The following ARHGEF28 variants were observed in gnomAD, a reference collection of about 807,000 sequenced individuals.
The protein encoded by ARHGEF28 is Rho guanine nucleotide exchange factor 28, also known as 190 kDa guanine nucleotide exchange factor.
ARHGEF28 carries 152 observed loss-of-function variants against 206.6 expected under a neutral mutation model. The observed-to-expected ratio is 0.74, with a 90% confidence interval of 0.64 to 0.84. The LOEUF (loss-of-function observed/expected upper bound fraction) is 0.84. ARHGEF28 is among the 40% of genes least tolerant of loss of function. The pLI is 0.00. For missense variants in ARHGEF28, 2,028 were observed against 2,073.2 expected (o/e 0.98, Z 0.42); for synonymous variants, 763 against 776.4 (o/e 0.98, Z 0.29).
At chr5:73,875,851 T>C (rs1402710454) in intron 22 of ARHGEF28, among the ~76,000 whole-genome samples, 3 of 152,178 alleles carry the variant, frequency 2.0e-5, no homozygotes, top group African/African-American at 7.2e-5. Context: ...AGTCAGGTAG[T>C]GTGATGCCTC....
intron 21 of ARHGEF28, among the ~76,000 whole-genome samples, chr5:73,870,723 G>A (rs1174729418): frequency 6.6e-6 from 1 of 152,182 alleles, no homozygotes; most frequent in East Asian, 1.9e-4. Flanking sequence ...CTGCCATCCT[G>A]AGTACAGAAT....
intron 24 of ARHGEF28, 96 bp downstream of exon 24, chr5:73,883,980 A>C (rs1421294606): frequency 6.6e-6 from 4 of 603,704 alleles, no homozygotes; most frequent in Non-Finnish European, 1.0e-5. Flanking sequence ...GTGGTCTCTG[A>C]TTCATAAAGA....
Position 73,940,857 on chromosome 5 carries a change from C to G in ARHGEF28, c.4962C>G (p.Ser1654=). 1 of 1,517,514 alleles carries G rather than the reference C, an allele frequency of 6.6e-7. No homozygotes were observed. Among genetic ancestry groups the G allele is most frequent in the Non-Finnish European group, 8.8e-7 (1 of 1,140,492 alleles). The allele number at this position is 1,517,514 out of a possible 1,614,324, so 94.0% of individuals were successfully genotyped here. A position where few individuals can be genotyped will look rare whatever the true frequency, so the allele number is the denominator to read the frequency against. Residue 1654 remains serine (S), a synonymous_variant, in exon 36 of 36, where the codon TCC becomes TCG. Transcript: ENST00000513042. ...KDSCKNDLDT[S]HTESPTPHDS... ...TGTTTCTTGCAGATTTGGACACCTCCCACACTGAGTCCCCAACCCCCCATG... is the reference window on the plus strand; with the variant it reads ...TGTTTCTTGCAGATTTGGACACCTCGCACACTGAGTCCCCAACCCCCCATG...
At chr5:73,869,169 A>G (rs924009937) in intron 20 of ARHGEF28, among the ~76,000 whole-genome samples, 3 of 121,606 alleles carry the variant, frequency 2.5e-5, no homozygotes, top group African/African-American at 9.5e-5. Context: ...CTCTCTAATG[A>G]GTGCCATTTG....
At chr5:73,821,301 A>C (rs1756570427) in intron 9 of ARHGEF28, among the ~76,000 whole-genome samples, 1 of 152,178 alleles carries the variant, frequency 6.6e-6, no homozygotes, top group African/African-American at 2.4e-5. Context: ...TCTATTGAGG[A>C]CACATAAAAA....
chr5:73,744,491 A>G (rs1229426924), intron 2 of ARHGEF28, among the ~76,000 whole-genome samples: 2 of 152,062 alleles, frequency 1.3e-5, no homozygotes, highest in African/African-American at 4.8e-5. Flanking sequence ...TAACTTTTCA[A>G]GGATCTTACA....
At chr5:73,776,431 G>C in intron 5 of ARHGEF28, 85 bp from the exon 6 acceptor site, 1 of 1,271,648 alleles carries the variant, frequency 7.9e-7, no homozygotes, top group Non-Finnish European at 1.1e-6. Flanking sequence ...GGATTTGTAA[G>C]ATCAGGGGCA....
intron 22 of ARHGEF28, among the ~76,000 whole-genome samples, chr5:73,880,971 TTAAG>T (rs1452123049): frequency 2.7e-4 from 41 of 151,944 alleles, no homozygotes; most frequent in Admixed American, 2.7e-3. Context: ...TGTTTTACAT[TTAAG>T]TGTGTGTTGT....
At chr5:73,914,074 A>G (rs1033064508) in intron 35 of ARHGEF28, among the ~76,000 whole-genome samples, 3 of 152,140 alleles carry the variant, frequency 2.0e-5, no homozygotes, top group African/African-American at 7.2e-5. Context: ...TGGTTTTTTC[A>G]GTACAGCCTC....
intron 3 of ARHGEF28, among the ~76,000 whole-genome samples, chr5:73,750,240 A>G (rs1350090452): frequency 2.0e-5 from 3 of 152,244 alleles, no homozygotes; most frequent in Non-Finnish European, 2.9e-5. Flanking sequence ...CCCAACTTTT[A>G]TGGTTGGGTG....
chr5:73,907,497 G>T (rs1448937220), intron 33 of ARHGEF28, among the ~76,000 whole-genome samples: 1 of 152,194 alleles, frequency 6.6e-6, no homozygotes, highest in Non-Finnish European at 1.5e-5. Context: ...CTTTTTTGAA[G>T]CTGAATGTCT....
chr5:73,802,506 C>T (rs546945365), intron 9 of ARHGEF28, among the ~76,000 whole-genome samples: 1 of 152,206 alleles, frequency 6.6e-6, no homozygotes, highest in Admixed American at 6.5e-5. Flanking sequence ...TTTTCCTTCT[C>T]CAAAATAAGA....
chr5:73,766,456 A>G (rs1168282037), intron 4 of ARHGEF28, among the ~76,000 whole-genome samples: 1 of 152,202 alleles, frequency 6.6e-6, no homozygotes, highest in Admixed American at 6.5e-5. Flanking sequence ...CTTTGGTAAA[A>G]TCTTATACCT....
chr5:73,658,479 A>G (rs1168401209), intron 1 of ARHGEF28, among the ~76,000 whole-genome samples: 1 of 152,226 alleles, frequency 6.6e-6, no homozygotes, highest in Non-Finnish European at 1.5e-5. Flanking sequence ...GGATTCGGCC[A>G]CAAGAGGAAG....
chr5:73,834,494 G>T (rs1282256237), intron 10 of ARHGEF28, among the ~76,000 whole-genome samples: 3 of 151,534 alleles, frequency 2.0e-5, no homozygotes, highest in Non-Finnish European at 4.4e-5. Flanking sequence ...CATCCATGTT[G>T]TCACAAATGG....
intron 22 of ARHGEF28, among the ~76,000 whole-genome samples, chr5:73,880,287 A>G (rs1348591032): frequency 6.6e-6 from 1 of 152,200 alleles, no homozygotes; most frequent in African/African-American, 2.4e-5. Context: ...GGAAAAGCGC[A>G]GTATTCTGGT....
chr5:73,674,378 G>T (rs1746525836), intron 1 of ARHGEF28, among the ~76,000 whole-genome samples: 1 of 152,198 alleles, frequency 6.6e-6, no homozygotes, highest in African/African-American at 2.4e-5. Context: ...ATTTACATCT[G>T]CTAAGCCACT....
At chr5:73,816,185 T>C (rs1756198282) in intron 9 of ARHGEF28, among the ~76,000 whole-genome samples, 1 of 152,052 alleles carries the variant, frequency 6.6e-6, no homozygotes, top group Non-Finnish European at 1.5e-5. Flanking sequence ...TGTCTCTGCT[T>C]ACAGGGATCT....
intron 2 of ARHGEF28, among the ~76,000 whole-genome samples, chr5:73,693,979 G>A (rs1748018127): frequency 6.6e-6 from 1 of 152,216 alleles, no homozygotes; most frequent in South Asian, 2.1e-4. Flanking sequence ...GCAGCCACGA[G>A]ATGTCAGTTC....
Sources: allele counts gnomAD v4.1 joint callset (sites outside exome capture counted in the v4.1 genomes callset), GRCh38; gene constraint gnomAD v4.1.1; transcripts MANE v1.5; gene names NCBI Gene and HGNC (gene_info 2026-07-23, HGNC 2026-07-21).